NRXN1: variants seen among roughly 807,000 people sequenced by gnomAD.
NRXN1 encodes the protein neurexin 1.
A neutral mutation model predicts 150.9 loss-of-function variants in NRXN1; 39 were observed. The ratio of observed to expected loss-of-function variants is 0.26; its 90% CI spans 0.20 to 0.34. NRXN1 has a LOEUF of 0.34. Among genes scored for constraint, NRXN1 ranks in the 10% least tolerant of loss-of-function variants. The pLI is 1.00. For synonymous variants in NRXN1, 924 were observed against 757.0 expected (o/e 1.22, Z -3.62); for missense variants, 1,815 against 1,949.9 (o/e 0.93, Z 1.30).
chr2:50,476,079 A>G (rs1014793510), intron 15 of NRXN1, among the ~76,000 whole-genome samples: 1 of 152,086 alleles, frequency 6.6e-6, no homozygotes, highest in South Asian at 2.1e-4. Flanking sequence ...TGTTTTAAGG[A>G]CCATGTAGGC....
At chr2:50,440,891 G>C (rs2085892837) in intron 17 of NRXN1, among the ~76,000 whole-genome samples, 1 of 152,082 alleles carries the variant, frequency 6.6e-6, no homozygotes, top group Admixed American at 6.5e-5. Context: ...GAAGTTTAAA[G>C]TCCATCCATT....
intron 5 of NRXN1, among the ~76,000 whole-genome samples, chr2:50,858,038 T>C (rs1675522389): frequency 6.6e-6 from 1 of 152,010 alleles, no homozygotes; most frequent in Non-Finnish European, 1.5e-5. Context: ...CATTTTCTTT[T>C]CCTAAGACCT....
At chr2:50,206,470 C>A (rs2062585973) in intron 18 of NRXN1, among the ~76,000 whole-genome samples, 1 of 152,140 alleles carries the variant, frequency 6.6e-6, no homozygotes, top group Admixed American at 6.6e-5. Context: ...GGCTTAATTT[C>A]AATCTATTGC....
intron 17 of NRXN1, among the ~76,000 whole-genome samples, chr2:50,418,851 T>C (rs1245050068): frequency 6.6e-6 from 1 of 152,034 alleles, no homozygotes; most frequent in East Asian, 1.9e-4. Flanking sequence ...TAATCTACTC[T>C]GAGTATGTCT....
At chr2:50,846,645 T>C (rs1439521178) in intron 5 of NRXN1, among the ~76,000 whole-genome samples, 2 of 152,172 alleles carry the variant, frequency 1.3e-5, no homozygotes, top group African/African-American at 2.4e-5. Flanking sequence ...CTGGGAGCAG[T>C]TGTACCATGG....
At chr2:50,004,516 A>C (rs188559773) in intron 21 of NRXN1, among the ~76,000 whole-genome samples, 1 of 152,106 alleles carries the variant, frequency 6.6e-6, no homozygotes, top group Non-Finnish European at 1.5e-5. Context: ...AATTTAGGCT[A>C]TTTGGCATAT....
intron 17 of NRXN1, among the ~76,000 whole-genome samples, chr2:50,457,948 T>C (rs1057314976): frequency 2.0e-5 from 3 of 152,058 alleles, no homozygotes; most frequent in East Asian, 3.9e-4. Context: ...ATCAAACACA[T>C]AACTACCGTA....
chr2:50,744,568 A>C (rs1699795683), intron 5 of NRXN1, among the ~76,000 whole-genome samples: 1 of 152,152 alleles, frequency 6.6e-6, no homozygotes, highest in South Asian at 2.1e-4. Context: ...ATACATATAA[A>C]TGGTCCTTCA....
intron 18 of NRXN1, among the ~76,000 whole-genome samples, chr2:50,217,051 G>A (rs942771748): frequency 1.1e-4 from 17 of 151,958 alleles, no homozygotes; most frequent in Admixed American, 7.2e-4. Context: ...TTCTGTGATC[G>A]TGGTAAAACA....
chr2:50,940,326 T>C (rs11680442), intron 2 of NRXN1, among the ~76,000 whole-genome samples: 2 of 151,752 alleles, frequency 1.3e-5, no homozygotes, highest in Admixed American at 1.3e-4. Context: ...AATACAAAAA[T>C]TAGCTGGGCA....
intron 5 of NRXN1, among the ~76,000 whole-genome samples, chr2:50,731,433 A>C (rs1341385160): frequency 6.6e-6 from 1 of 152,218 alleles, no homozygotes; most frequent in Non-Finnish European, 1.5e-5. Flanking sequence ...ACATCTTGGT[A>C]AACAGAGATT....
intron 21 of NRXN1, among the ~76,000 whole-genome samples, chr2:49,961,993 C>T (rs979880177): frequency 2.0e-5 from 3 of 152,052 alleles, no homozygotes; most frequent in South Asian, 4.1e-4. Context: ...CTAGTCCCAG[C>T]CACCTGGAGG....
At chr2:50,135,850 A>G (rs1043903998) in intron 18 of NRXN1, among the ~76,000 whole-genome samples, 18 of 152,230 alleles carry the variant, frequency 1.2e-4, no homozygotes. Context: ...AAATAATTCT[A>G]CTGAGGAAAA....
chr2:50,917,030 T>C (rs1158678729), intron 5 of NRXN1: 1 of 151,708 alleles, frequency 6.6e-6, no homozygotes, highest in Non-Finnish European at 1.5e-5. Context: ...TAGATAAAAG[T>C]AGATATTTAA....
chr2:49,964,172 A>AT (rs1676498704), intron 21 of NRXN1, among the ~76,000 whole-genome samples: 1 of 152,190 alleles, frequency 6.6e-6, no homozygotes, highest in Non-Finnish European at 1.5e-5. Context: ...GTTCATATCA[A>AT]TTTACGCTCC....
intron 21 of NRXN1, among the ~76,000 whole-genome samples, chr2:50,034,683 G>A (rs1689746700): frequency 6.6e-6 from 1 of 151,992 alleles, no homozygotes; most frequent in East Asian, 1.9e-4. Context: ...TTTCATAGTA[G>A]GTGTTTTACA....
Position 50,367,053 on chromosome 2 carries a change from T to A in NRXN1, c.3364+98389A>T, listed in dbSNP as rs149449238. Reference sequence around the variant, plus strand: ...GCCTCCAGGCGTCTGGGAGAGACATTTATCCTTAAGGAAAGTAGGGAACAT... The same window carrying A: ...GCCTCCAGGCGTCTGGGAGAGACATATATCCTTAAGGAAAGTAGGGAACAT... On this transcript the variant is annotated intron_variant, in intron 17 of 22. Transcript: ENST00000401669. Among the ~76,000 whole-genome samples, 343 of 152,038 alleles carry A rather than the reference T, an allele frequency of 2.3e-3. 1 individual carries two copies. Among genetic ancestry groups the A allele is most frequent in the African/African-American group, 7.8e-3 (323 of 41,510 alleles).
At chr2:50,329,617 GTATATATATATATATATATATATATA>G (rs1172739306) in intron 17 of NRXN1, among the ~76,000 whole-genome samples, 5 of 13,982 alleles carry the variant, frequency 3.6e-4, no homozygotes, top group Non-Finnish European at 6.2e-4. Context: ...GTGTGTGTGT[GTATATATATATATATATATATATATA>G]TATATATATA....
At chr2:50,320,920 A>G (rs1287689745) in intron 17 of NRXN1, among the ~76,000 whole-genome samples, 2 of 152,180 alleles carry the variant, frequency 1.3e-5, no homozygotes, top group East Asian at 3.9e-4. Context: ...CTGGCAGCAC[A>G]CACCTTCTGT....
Sources: allele counts gnomAD v4.1 joint callset (sites outside exome capture counted in the v4.1 genomes callset), GRCh38; gene constraint gnomAD v4.1.1; transcripts MANE v1.5; gene names NCBI Gene and HGNC (gene_info 2026-07-23, HGNC 2026-07-21).